The following KCNAB1 variants were observed in gnomAD, a reference collection of about 807,000 sequenced individuals.
The protein encoded by KCNAB1 is potassium voltage-gated channel subfamily A regulatory beta subunit 1, also known as voltage-gated potassium channel subunit beta-1.
In KCNAB1, 35 loss-of-function variants were observed where a neutral mutation model predicts 64.6. That is an observed-to-expected ratio of 0.54 (90% CI 0.41 to 0.72). KCNAB1 has a LOEUF of 0.72. Ranked by LOEUF, KCNAB1 falls within the 30% of genes least tolerant of loss-of-function variation. The pLI is 0.00. For missense variants in KCNAB1, 401 were observed against 512.9 expected, an observed-to-expected ratio of 0.78 and a Z score of 2.11; for synonymous variants, 177 against 183.8, an observed-to-expected ratio of 0.96 and a Z score of 0.30.
chr3:156,476,138 TTTTTTTA>T (rs1229904103), intron 8 of KCNAB1, among the ~76,000 whole-genome samples: 4 of 146,106 alleles, frequency 2.7e-5, no homozygotes, highest in Non-Finnish European at 4.7e-5. Flanking sequence ...ATTCAACTCT[TTTTTTTA>T]TTTTTTATCT....
chr3:156,227,128 T>A (rs181222871), intron 1 of KCNAB1, among the ~76,000 whole-genome samples: 163 of 152,350 alleles, frequency 1.1e-3, no homozygotes, highest in African/African-American at 3.7e-3. Flanking sequence ...TCTAACTACT[T>A]CTTCGTCACA....
At chr3:156,355,553 T>G (rs916095714) in intron 1 of KCNAB1, among the ~76,000 whole-genome samples, 8 of 142,216 alleles carry the variant, frequency 5.6e-5, no homozygotes, top group Non-Finnish European at 7.4e-5. Flanking sequence ...TCATAGTGGG[T>G]TTTTTTTTAA....
intron 8 of KCNAB1, among the ~76,000 whole-genome samples, chr3:156,492,475 A>G (rs141735021): frequency 2.4e-3 from 365 of 152,094 alleles, no homozygotes; most frequent in Middle Eastern, 6.8e-3. Context: ...TGCCATATGG[A>G]GACACCATAT....
intron 1 of KCNAB1, among the ~76,000 whole-genome samples, chr3:156,251,325 T>C (rs531059198): frequency 1.9e-4 from 29 of 152,344 alleles, no homozygotes; most frequent in African/African-American, 6.5e-4. Flanking sequence ...GATTGTCTAA[T>C]TGTCCTTATT....
At chr3:156,133,160 C>T (rs1413829351) in intron 1 of KCNAB1, among the ~76,000 whole-genome samples, 1 of 152,166 alleles carries the variant, frequency 6.6e-6, no homozygotes, top group African/African-American at 2.4e-5. Context: ...TTAATTACCT[C>T]TGGGATTTAG....
rs768458148 is a variant in KCNAB1 at position 156,459,919 on chromosome 3, C to T, written c.482+48C>T. 7 of 1,385,220 alleles carry T rather than the reference C, an allele frequency of 5.1e-6. 1 individual carries two copies. The highest frequency in any genetic ancestry group is 4.9e-5 in the South Asian group (4 of 82,202). The allele number at this position is 1,385,220 out of a possible 1,614,324, so 85.8% of individuals were successfully genotyped here. ...TTGTTTTTAAAAAGGTATTATTTTG[C>T]ACCAGAGAAGGAAAAATAAAATTAT... is the stretch of plus-strand genomic sequence containing the variant. On this transcript the variant is annotated intron_variant, in intron 5 of 13. Coordinates refer to ENST00000490337, the MANE Select transcript of KCNAB1 (RefSeq NM_172160.3).
At chr3:156,386,360 T>C (rs570603067) in intron 1 of KCNAB1, among the ~76,000 whole-genome samples, 2 of 152,302 alleles carry the variant, frequency 1.3e-5, no homozygotes, top group Admixed American at 6.5e-5. Context: ...GTTTAGGAAG[T>C]TGCACAAATG....
intron 1 of KCNAB1, among the ~76,000 whole-genome samples, chr3:156,131,456 G>A (rs1023672912): frequency 1.7e-4 from 26 of 152,186 alleles, no homozygotes; most frequent in African/African-American, 6.3e-4. Context: ...TAGGCTTCCC[G>A]CCAGATATCT....
chr3:156,427,664 G>A (rs971124869), intron 2 of KCNAB1, among the ~76,000 whole-genome samples: 2 of 152,208 alleles, frequency 1.3e-5, no homozygotes, highest in African/African-American at 2.4e-5. Flanking sequence ...ACTTCCTCCA[G>A]TGGTATATCA....
At chr3:156,294,533 A>T (rs988606960) in intron 1 of KCNAB1, among the ~76,000 whole-genome samples, 5 of 152,226 alleles carry the variant, frequency 3.3e-5, no homozygotes, top group African/African-American at 1.2e-4. Context: ...GATAGAAGTA[A>T]CTTTTATTAG....
At position 156,513,073 on chromosome 3, in the gene KCNAB1, G is replaced by T. The variant is rs546821585; in HGVS notation, c.659-1291G>T. Among the ~76,000 whole-genome samples, 13 of 152,310 alleles carry T rather than the reference G, an allele frequency of 8.5e-5. No homozygotes were observed. In the South Asian group the frequency reaches 2.5e-3, roughly 29 times the overall value. ...CAAAAATACAAAAAGTTAGCCGGGT[G>T]TGGTGGCGGGCACCTGTAGTCCCAG... On this transcript the variant is annotated intron_variant, in intron 8 of 13. Coordinates refer to ENST00000490337, the MANE Select transcript of KCNAB1 (RefSeq NM_172160.3).
At chr3:156,383,292 A>C (rs1447715918) in intron 1 of KCNAB1, among the ~76,000 whole-genome samples, 2 of 152,170 alleles carry the variant, frequency 1.3e-5, no homozygotes, top group African/African-American at 4.8e-5. Context: ...TACTTTTAAC[A>C]ATTCAACATT....
intron 11 of KCNAB1, among the ~76,000 whole-genome samples, chr3:156,518,368 G>C (rs1173355509): frequency 1.3e-5 from 2 of 152,022 alleles, no homozygotes; most frequent in Non-Finnish European, 2.9e-5. Flanking sequence ...AAAGCCACTT[G>C]AGTATCGTTA....
intron 1 of KCNAB1, among the ~76,000 whole-genome samples, chr3:156,149,949 A>T (rs1456465195): frequency 1.3e-5 from 2 of 152,214 alleles, no homozygotes; most frequent in African/African-American, 4.8e-5. Flanking sequence ...TAGAGCTGTG[A>T]CTGTGAAAAT....
chr3:156,176,313 G>A (rs1712367550), intron 1 of KCNAB1: 1 of 976,260 alleles, frequency 1.0e-6, no homozygotes, highest in Non-Finnish European at 1.7e-6. Flanking sequence ...GATCACTTGT[G>A]TCATTGAAGG....
At position 156,278,603 on chromosome 3, in the gene KCNAB1, G is replaced by A. The variant is rs990910092; in HGVS notation, c.276-143013G>A. On this transcript the variant is annotated intron_variant, in intron 1 of 13. Coordinates refer to ENST00000490337, the MANE Select transcript of KCNAB1 (RefSeq NM_172160.3). The stretch of plus-strand genomic sequence containing the variant: ...TTAAATTGCCATAAAATGAGAGTTC[G>A]TAATGTACCATTTTAGAAATCATCA... 2.6e-4 allele frequency among the ~76,000 whole-genome samples: 39 copies of A among 151,988 alleles called. 1 individual carries two copies. The highest frequency in any genetic ancestry group is 1.4e-3 in the Admixed American group (22 of 15,248).
intron 7 of KCNAB1, 101 bp from the exon 8 acceptor site, chr3:156,474,633 A>G: frequency 1.3e-6 from 1 of 796,874 alleles, no homozygotes; most frequent in Non-Finnish European, 2.2e-6. Context: ...AACTATTCCA[A>G]TTCTATTTTT....
At chr3:156,532,367 A>G (rs1463903418) in intron 13 of KCNAB1, among the ~76,000 whole-genome samples, 4 of 151,922 alleles carry the variant, frequency 2.6e-5, no homozygotes, top group Non-Finnish European at 5.9e-5. Context: ...AGCCTATCCT[A>G]CTCTCAACCC....
intron 1 of KCNAB1, among the ~76,000 whole-genome samples, chr3:156,299,338 T>G (rs1721005119): frequency 6.6e-6 from 1 of 152,210 alleles, no homozygotes; most frequent in Non-Finnish European, 1.5e-5. Flanking sequence ...CAGACCAACT[T>G]TCTCCATCTC....
Sources: gnomAD v4.1 joint callset for allele counts (sites outside exome capture counted in the v4.1 genomes callset) on GRCh38, gnomAD v4.1.1 for gene constraint, MANE v1.5 for transcripts, NCBI Gene and HGNC (gene_info 2026-07-23, HGNC 2026-07-21) for gene names.